Variants in DOCK8 observed in about 807,000 individuals in gnomAD.
DOCK8 encodes the protein dedicator of cytokinesis protein 8.
A neutral mutation model predicts 245.6 loss-of-function variants in DOCK8; 141 were observed. That is an observed-to-expected ratio of 0.57 (90% confidence interval 0.50 to 0.66). The LOEUF is 0.66. Among genes scored for constraint, DOCK8 ranks in the 30% least tolerant of loss-of-function variants. DOCK8 has a pLI of 0.00. For synonymous variants in DOCK8, 1,168 were observed against 970.2 expected (o/e 1.20, Z -3.79); for missense variants, 2,965 against 2,603.4 (o/e 1.14, Z -3.02).
intron 4 of DOCK8, among the ~76,000 whole-genome samples, chr9:292,634 G>C (rs1404590929): frequency 8.7e-6 from 1 of 115,368 alleles, no homozygotes; most frequent in Non-Finnish European, 1.7e-5. Context: ...TGTCTAGTCT[G>C]ATTTATTTTT....
At chr9:401,618 G>A (rs1424510176) in intron 26 of DOCK8, among the ~76,000 whole-genome samples, 1 of 152,022 alleles carries the variant, frequency 6.6e-6, no homozygotes, top group African/African-American at 2.4e-5. Context: ...AGCTATTTTT[G>A]TTAATGACTG....
At chr9:232,387 G>T (rs1036073813) in intron 1 of DOCK8, among the ~76,000 whole-genome samples, 1 of 152,160 alleles carries the variant, frequency 6.6e-6, no homozygotes. Context: ...CCAGGCTTTG[G>T]TATCAGGATG....
At chr9:400,994 A>ATCACCACCACCT (rs1480009960) in intron 26 of DOCK8, among the ~76,000 whole-genome samples, 1 of 123,008 alleles carries the variant, frequency 8.1e-6, no homozygotes. Context: ...CTCCTCCACC[A>ATCACCACCACCT]CCACCACCAT....
chr9:363,018 A>G (rs531894294), intron 14 of DOCK8, among the ~76,000 whole-genome samples: 1 of 152,330 alleles, frequency 6.6e-6, no homozygotes, highest in African/African-American at 2.4e-5. Context: ...GAGCTGCTCA[A>G]TTACAGCAGT....
chr9:252,986 C>G (rs2047685664), intron 1 of DOCK8, among the ~76,000 whole-genome samples: 1 of 152,100 alleles, frequency 6.6e-6, no homozygotes, highest in East Asian at 1.9e-4. Context: ...GTCCTTGGGA[C>G]AGAGGTTTGA....
chr9:235,804 C>G (rs536760364), intron 1 of DOCK8, among the ~76,000 whole-genome samples: 3 of 152,302 alleles, frequency 2.0e-5, no homozygotes, highest in East Asian at 1.9e-4. Context: ...CCGTCTGTCA[C>G]CCTTTCTTTG....
At chr9:454,754 A>T (rs1332283927) in intron 46 of DOCK8, 1 of 152,242 alleles carries the variant, frequency 6.6e-6, no homozygotes. Flanking sequence ...TAAATCTTGC[A>T]ATCCAGTATC....
At chr9:455,982 G>C (rs779754270) in intron 46 of DOCK8, among the ~76,000 whole-genome samples, 1 of 152,146 alleles carries the variant, frequency 6.6e-6, no homozygotes, top group Non-Finnish European at 1.5e-5. Flanking sequence ...GAAGGATGAA[G>C]TCCCAATATC....
Position 449,831 on chromosome 9 carries a change from G to C in DOCK8, c.5865G>C (p.Lys1955Asn). 1 of 1,613,442 alleles carries C rather than the reference G, an allele frequency of 6.2e-7. No individual in the cohort carries two copies. Among genetic ancestry groups the C allele is most frequent in the South Asian group, 1.1e-5 (1 of 91,044 alleles). The change falls in exon 45 of 48, where the codon AAG becomes AAC. Residue 1955 changes from lysine (K) to asparagine (N), a missense_variant. Coordinates refer to ENST00000432829, the MANE Select transcript of DOCK8 (RefSeq NM_203447.4). Reference sequence around the variant, plus strand: ...TTGCCATTGAAGACATGAAGAAGAAGACCCTGCAGTTAGCAGTTGCCATTA... The same window carrying C: ...TTGCCATTGAAGACATGAAGAAGAACACCCTGCAGTTAGCAGTTGCCATTA... ...IEVAIEDMKK[K>N]TLQLAVAINQ...
Position 339,036 on chromosome 9 carries a change from T to C in DOCK8, c.1453T>C (p.Phe485Leu), listed in dbSNP as rs754666720. The C allele has an allele frequency of 6.2e-6, 10 of 1,614,036 alleles. No individual in the cohort carries two copies. The highest frequency in any genetic ancestry group is 1.3e-5 in the African/African-American group (1 of 74,960). ...AGATCGCCTTAGCGATGAAGACTTA[T>C]TCAAGTTTTTAGCTGACTACAAAAG... ...EGDRLSDEDLFKFLADYKRSS... is the reference protein window; with the variant it reads ...EGDRLSDEDLLKFLADYKRSS... The change falls in exon 13 of 48, where the codon TTC becomes CTC. Residue 485 changes from phenylalanine to leucine, a missense_variant. Physicochemically the swap from Phe to Leu is conservative, Grantham distance 22. Around this residue, in one of 3 missense-constraint regions of DOCK8, gnomAD observed 2,825 missense variants for 2,453.5 expected, o/e 1.15. Coordinates refer to ENST00000432829, the MANE Select transcript of DOCK8 (RefSeq NM_203447.4).
intron 2 of DOCK8, among the ~76,000 whole-genome samples, chr9:274,576 G>T (rs1250149974): frequency 2.0e-5 from 3 of 150,078 alleles, no homozygotes; most frequent in African/African-American, 7.4e-5. Flanking sequence ...TCAGAATGAA[G>T]TGGCTGTTCT....
At position 334,323 on chromosome 9, in the gene DOCK8, A is replaced by G; in HGVS notation, c.1224A>G (p.Leu408=). Residue 408 remains leucine (L), a synonymous_variant, in exon 11 of 48, where the codon TTA becomes TTG. Coordinates refer to ENST00000432829, the MANE Select transcript of DOCK8 (RefSeq NM_203447.4). ...CCTTTGCCTGGGCACCCATAAGCTTATCAAGCTTCTTCAATGTCTCCACCC... is the reference window on the plus strand; with the variant it reads ...CCTTTGCCTGGGCACCCATAAGCTTGTCAAGCTTCTTCAATGTCTCCACCC... ...RMPFAWAPIS[L]SSFFNVSTLE... The G allele has an allele frequency of 2.5e-6, 4 of 1,614,190 alleles. No individual in the cohort carries two copies. The highest frequency in any genetic ancestry group is 3.4e-6 in the Non-Finnish European group (4 of 1,180,026).
chr9:212,750 C>T (rs1173245487), upstream of DOCK8: 1 of 152,188 alleles, frequency 6.6e-6, no homozygotes, highest in Non-Finnish European at 1.5e-5. Context: ...TGATCTGAGG[C>T]AAGATGGAAG....
intron 1 of DOCK8, among the ~76,000 whole-genome samples, chr9:249,311 C>T (rs2047592548): frequency 6.6e-6 from 1 of 152,192 alleles, no homozygotes; most frequent in South Asian, 2.1e-4. Flanking sequence ...GTGAAGTCAC[C>T]ACCCAAGCCT....
chr9:442,142 C>A, intron 42 of DOCK8, 133 bp downstream of exon 42: 3 of 1,334,310 alleles, frequency 2.2e-6, no homozygotes, highest in Non-Finnish European at 2.1e-6. Context: ...TTCCCCTTTG[C>A]ATTTATAAAA....
At chr9:290,587 T>C (rs1474319396) in intron 4 of DOCK8, among the ~76,000 whole-genome samples, 2 of 152,210 alleles carry the variant, frequency 1.3e-5, no homozygotes, top group African/African-American at 4.8e-5. Context: ...CTGAGCTTTT[T>C]CTCTCCATGC....
chr9:268,230 C>T (rs966839715), intron 1 of DOCK8: 3 of 152,188 alleles, frequency 2.0e-5, no homozygotes, highest in African/African-American at 7.2e-5. Flanking sequence ...TTGTATTTGA[C>T]AGTTTTGAAG....
intron 4 of DOCK8, among the ~76,000 whole-genome samples, chr9:291,726 C>G (rs1369207093): frequency 1.3e-5 from 2 of 151,392 alleles, no homozygotes; most frequent in African/African-American, 4.9e-5. Context: ...AGAGGAATTT[C>G]TATGTCAAAG....
chr9:415,850 C>T (rs557415957), intron 29 of DOCK8, among the ~76,000 whole-genome samples: 1 of 152,204 alleles, frequency 6.6e-6, no homozygotes, highest in Non-Finnish European at 1.5e-5. Context: ...TATAGTCAGT[C>T]ATCCTTGAAA....
Sources: gnomAD v4.1 joint callset for allele counts (sites outside exome capture counted in the v4.1 genomes callset) on GRCh38, gnomAD v4.1.1 for gene constraint, gnomAD v4.1.1 regional missense constraint, MANE v1.5 for transcripts, NCBI Gene and HGNC (gene_info 2026-07-23, HGNC 2026-07-21) for gene names.